Variants in FANCC observed in about 807,000 individuals in gnomAD.
FANCC encodes the protein Fanconi anemia group C protein.
Under a neutral mutation model 71.3 loss-of-function variants are expected in FANCC, and 55 were observed. The ratio of observed to expected loss-of-function variants is 0.77; its 90% confidence interval spans 0.62 to 0.97. The LOEUF (loss-of-function observed/expected upper bound fraction) is 0.97. Ranked by LOEUF, FANCC falls within the 50% of genes least tolerant of loss-of-function variation. The pLI is 0.00. For missense variants in FANCC, 678 were observed against 670.9 expected (o/e 1.01, Z -0.12); for synonymous variants, 275 against 244.9 (o/e 1.12, Z -1.15).
intron 3 of FANCC, among the ~76,000 whole-genome samples, chr9:95,246,251 G>A (rs1309900403): frequency 1.3e-5 from 2 of 152,202 alleles, no homozygotes; most frequent in African/African-American, 4.8e-5. Context: ...AAGTGGGAAG[G>A]AGGAGGGACA....
Position 95,232,131 on chromosome 9 carries a change from C to T in FANCC, c.345+8518G>A, listed in dbSNP as rs375384971. Among the ~76,000 whole-genome samples the T allele has an allele frequency of 2.2e-4, 33 of 152,258 alleles. No homozygotes were observed. The East Asian group carries it at 2.5e-3, about 12-fold the overall frequency. On this transcript the variant is annotated intron_variant, in intron 4 of 14. Coordinates refer to ENST00000289081, the MANE Select transcript of FANCC (RefSeq NM_000136.3). Reference sequence around the variant, plus strand: ...AGGTGAAGGGGGAGCAGGCATGTCACGCAGCCAGAGCAGCAGCAAGAGAAA... The same window carrying T: ...AGGTGAAGGGGGAGCAGGCATGTCATGCAGCCAGAGCAGCAGCAAGAGAAA...
At chr9:95,271,657 C>G (rs913326568) in intron 1 of FANCC, among the ~76,000 whole-genome samples, 1 of 151,980 alleles carries the variant, frequency 6.6e-6, no homozygotes, top group Non-Finnish European at 1.5e-5. Flanking sequence ...AAACTAATAT[C>G]GCATCCTGCA....
intron 4 of FANCC, among the ~76,000 whole-genome samples, chr9:95,174,709 A>G (rs1825903401): frequency 6.6e-6 from 1 of 152,210 alleles, no homozygotes; most frequent in African/African-American, 2.4e-5. Flanking sequence ...ACAAGATAAA[A>G]TGAATTTGCA....
intron 11 of FANCC, among the ~76,000 whole-genome samples, chr9:95,115,129 A>G (rs2072285780): frequency 6.6e-6 from 1 of 152,092 alleles, no homozygotes; most frequent in Admixed American, 6.5e-5. Context: ...TTTTGTAGAG[A>G]TGAGGTTTCA....
At chr9:95,300,575 T>C (rs1834663570) in intron 1 of FANCC, among the ~76,000 whole-genome samples, 1 of 152,060 alleles carries the variant, frequency 6.6e-6, no homozygotes, top group African/African-American at 2.4e-5. Flanking sequence ...CTCAGCCTCC[T>C]GAGTAGCTGG....
intron 4 of FANCC, among the ~76,000 whole-genome samples, chr9:95,208,289 G>A (rs943006528): frequency 2.0e-5 from 3 of 151,600 alleles, no homozygotes; most frequent in Admixed American, 2.0e-4. Context: ...TAGAGATGGG[G>A]TTTCTCCATG....
rs377085045 is a variant in FANCC at position 95,135,363 on chromosome 9, T to C, written c.826A>G (p.Ile276Val). Residue 276 changes from isoleucine (I) to valine (V), a missense_variant, in exon 8 of 15, where the codon ATA becomes GTA. Transcript: ENST00000289081. The part of the protein sequence containing the change: ...RNCLRRIECF[I>V]KDSSLPQAAC... Reference sequence around the variant, plus strand: ...GTACGTACCAGCGATGAATCTTTTATAAAGCATTCGATCCTTCTCAGACAA... The same window carrying C: ...GTACGTACCAGCGATGAATCTTTTACAAAGCATTCGATCCTTCTCAGACAA... The C allele has an allele frequency of 4.8e-5, 78 of 1,614,024 alleles. No individual in the cohort carries two copies. Among genetic ancestry groups the C allele is most frequent in the Non-Finnish European group, 6.2e-5 (73 of 1,180,032 alleles).
intron 10 of FANCC, 53 bp downstream of exon 10, chr9:95,125,033 C>A: frequency 1.4e-6 from 2 of 1,478,494 alleles, no homozygotes; most frequent in Admixed American, 1.7e-5. Flanking sequence ...AAAATACTCT[C>A]AACAGCGTCT....
chr9:95,200,824 T>C (rs1205364535), intron 4 of FANCC, among the ~76,000 whole-genome samples: 1 of 152,216 alleles, frequency 6.6e-6, no homozygotes, highest in Non-Finnish European at 1.5e-5. Context: ...AGACCATGTT[T>C]TCTTAAAAAA....
chr9:95,125,187 TG>T lies in FANCC; in HGVS notation c.897-3del, dbSNP rs2134925337. 2 of 1,612,332 alleles carry T rather than the reference TG, an allele frequency of 1.2e-6. No individual in the cohort carries two copies. Among genetic ancestry groups the T allele is most frequent in the East Asian group, 4.5e-5 (2 of 44,880 alleles). ...CCATCGGTTTCCAGGAGTGCACACC[TG>T]AACAATGCAAAGTCAGATCAGAACA... On this transcript the variant is annotated splice_polypyrimidine_tract_variant and splice_region_variant and intron_variant, in intron 9 of 14. Transcript: ENST00000289081.
At chr9:95,283,673 TAACTC>T (rs1476612385) in intron 1 of FANCC, among the ~76,000 whole-genome samples, 3 of 152,204 alleles carry the variant, frequency 2.0e-5, no homozygotes, top group African/African-American at 7.2e-5. Flanking sequence ...TGCAAGCAAA[TAACTC>T]ACTTTACAAA....
intron 7 of FANCC, among the ~76,000 whole-genome samples, chr9:95,138,240 C>T (rs1489958718): frequency 2.0e-5 from 3 of 152,238 alleles, no homozygotes; most frequent in African/African-American, 2.4e-5. Context: ...TACAGGACCA[C>T]GTTGGCTCTG....
In FANCC at chr9:95,099,942, G is replaced by A. The variant is rs898668047; in HGVS notation, c.*1765C>T. 1.7e-5 allele frequency: 4 copies of A among 232,530 alleles called. No individual in the cohort carries two copies. Among genetic ancestry groups the A allele is most frequent in the Admixed American group, 5.6e-5 (1 of 17,730 alleles). The allele number at this position is 232,530 out of a possible 1,614,324, so 14.4% of individuals were successfully genotyped here. A position where few individuals can be genotyped will look rare whatever the true frequency, so the allele number is the denominator to read the frequency against. ...GCCAACCCTGTACACAGGACCACAG[G>A]ACAGGGTGGAGGACTGTCCCAGGAG... On this transcript the variant is annotated 3_prime_UTR_variant, in exon 15 of 15. Coordinates refer to ENST00000289081, the MANE Select transcript of FANCC (RefSeq NM_000136.3).
rs1440717374 is a variant in FANCC at position 95,111,558 on chromosome 9, G to A, written c.1234C>T (p.Leu412=). The A allele has an allele frequency of 6.2e-7, 1 of 1,614,198 alleles. No homozygotes were observed. The highest frequency in any genetic ancestry group is 1.7e-5 in the Admixed American group (1 of 60,032). The change falls in exon 13 of 15, where the codon CTG becomes TTG. Residue 412 remains leucine, a synonymous_variant. Coordinates refer to ENST00000289081, the MANE Select transcript of FANCC (RefSeq NM_000136.3). ...GTGGGGGGTTCGGCTGCCGACATCA[G>A]TAATTGCTCTGCCACCATCTCAGCC... ...GWAEMVAEQL[L]MSAAEPPTAL...
intron 1 of FANCC, among the ~76,000 whole-genome samples, chr9:95,301,790 A>G (rs1244684232): frequency 1.3e-5 from 2 of 152,032 alleles, no homozygotes; most frequent in Non-Finnish European, 2.9e-5. Context: ...AAAATAAAAG[A>G]AAAAAGGCCT....
intron 4 of FANCC, among the ~76,000 whole-genome samples, chr9:95,180,530 GGTCTCA>G (rs1826281572): frequency 6.6e-6 from 1 of 151,524 alleles, no homozygotes; most frequent in Non-Finnish European, 1.5e-5. Flanking sequence ...TGTAGAGGTA[GGTCTCA>G]GTATGTCACT....
intron 1 of FANCC, among the ~76,000 whole-genome samples, chr9:95,266,507 T>G (rs908266946): frequency 2.6e-5 from 4 of 152,206 alleles, no homozygotes; most frequent in Non-Finnish European, 5.9e-5. Context: ...GTTATTTACA[T>G]TTTCACCTCT....
intron 4 of FANCC, among the ~76,000 whole-genome samples, chr9:95,174,719 A>G (rs200098922): frequency 6.6e-6 from 1 of 152,210 alleles, no homozygotes; most frequent in East Asian, 1.9e-4. Context: ...ATGAATTTGC[A>G]TCTGTGCATA....
rs540187178 is a variant in FANCC, at chr9:95,170,397, A to C, written c.521+682T>G. On this transcript the variant is annotated intron_variant, in intron 6 of 14. Transcript: ENST00000289081. The stretch of plus-strand genomic sequence containing the variant: ...GAGCTTGAATTAGCAATAGCTTTAC[A>C]AAAAAAAAAAAAAATCACCAAGTCC... 3.9e-3 allele frequency among the ~76,000 whole-genome samples: 373 copies of C among 95,472 alleles called. 1 individual carries two copies. The highest frequency in any genetic ancestry group is 0.011 in the Middle Eastern group (2 of 176). The allele number at this position is 95,472 out of a possible 152,430, so 62.6% of individuals were successfully genotyped here. A position where few individuals can be genotyped will look rare whatever the true frequency, so the allele number is the denominator to read the frequency against.
Sources: allele counts gnomAD v4.1 joint callset (sites outside exome capture counted in the v4.1 genomes callset), GRCh38; gene constraint gnomAD v4.1.1; transcripts MANE v1.5; gene names NCBI Gene and HGNC (gene_info 2026-07-23, HGNC 2026-07-21).